Variants in SLC26A8 observed in about 807,000 individuals in gnomAD.
SLC26A8 encodes solute carrier family 26 member 8, also known as testis anion transporter 1.
SLC26A8 carries 70 observed loss-of-function variants against 105.0 expected under a neutral mutation model. The observed-to-expected ratio is 0.67, with a 90% confidence interval of 0.55 to 0.81. SLC26A8 has a LOEUF of 0.81. Among genes scored for constraint, SLC26A8 ranks in the 40% least tolerant of loss-of-function variants. The pLI, the probability that SLC26A8 is intolerant of heterozygous loss-of-function variation, is 0.00. For missense variants in SLC26A8, 998 were observed against 1,181.8 expected (o/e 0.84, Z 2.28); for synonymous variants, 415 against 438.3 (o/e 0.95, Z 0.66).
intron 5 of SLC26A8, among the ~76,000 whole-genome samples, chr6:35,997,095 G>C: frequency 6.6e-6 from 1 of 151,974 alleles, no homozygotes; most frequent in East Asian, 1.9e-4. Context: ...TGGAGCTCTG[G>C]ACTAAGAGTC....
chr6:35,968,816 C>T lies in SLC26A8; in HGVS notation c.1365+61G>A, dbSNP rs1370409473. 10 of 1,149,878 alleles carry T rather than the reference C, an allele frequency of 8.7e-6. No individual in the cohort carries two copies. In the African/African-American group the frequency reaches 1.2e-4, roughly 14 times the overall value. The allele number at this position is 1,149,878 out of a possible 1,614,324, so 71.2% of individuals were successfully genotyped here. A position where few individuals can be genotyped will look rare whatever the true frequency, so the allele number is the denominator to read the frequency against. ...GCCCCTTACCCCCCGCACACACACA[C>T]CAAGGAGCAATCCAGAGCCCTGGTC... On this transcript the variant is annotated intron_variant, in intron 11 of 19. Transcript: ENST00000490799.
chr6:35,955,317 T>A lies in SLC26A8; in HGVS notation c.2067A>T (p.Ser689=). 2 of 1,614,174 alleles carry A rather than the reference T, an allele frequency of 1.2e-6. No homozygotes were observed. Among genetic ancestry groups the A allele is most frequent in the South Asian group, 1.1e-5 (1 of 91,080 alleles). ...EVEEVWLPNN[S]SRNSSPGLPD... is the part of the protein sequence containing the mutation. The stretch of plus-strand genomic sequence containing the variant: ...GCAGTCCTGGTGAGCTGTTTCTTGA[T>A]GAGTTATTAGGAAGCCAAACTTCCT... Residue 689 remains serine, a synonymous_variant, in exon 17 of 20, where the codon TCA becomes TCT. Coordinates refer to ENST00000490799, the MANE Select transcript of SLC26A8 (RefSeq NM_052961.4).
At chr6:35,956,333 T>A (rs1772058991) in intron 16 of SLC26A8, among the ~76,000 whole-genome samples, 1 of 144,554 alleles carries the variant, frequency 6.9e-6, no homozygotes, top group African/African-American at 2.6e-5. Context: ...GAGGCTGAGG[T>A]GAGAGGATCG....
At chr6:35,985,422 T>C (rs183186639) in intron 7 of SLC26A8, among the ~76,000 whole-genome samples, 23 of 151,984 alleles carry the variant, frequency 1.5e-4, no homozygotes, top group East Asian at 9.7e-4. Flanking sequence ...GGGCTGGGCA[T>C]GGTGGCTCAT....
At chr6:35,983,655 G>A (rs1773369865) in intron 7 of SLC26A8, among the ~76,000 whole-genome samples, 1 of 151,832 alleles carries the variant, frequency 6.6e-6, no homozygotes, top group African/African-American at 2.4e-5. Flanking sequence ...GGGTTCAAGC[G>A]ATTCTCATGC....
chr6:35,957,898 G>A (rs1020637166), intron 16 of SLC26A8, among the ~76,000 whole-genome samples: 4 of 151,784 alleles, frequency 2.6e-5, no homozygotes, highest in African/African-American at 4.8e-5. Flanking sequence ...AAGCCACTGC[G>A]CCTGGCCATC....
intron 2 of SLC26A8, among the ~76,000 whole-genome samples, chr6:36,016,867 T>C (rs2127374402): frequency 6.6e-6 from 1 of 152,176 alleles, no homozygotes; most frequent in East Asian, 1.9e-4. Context: ...GAAGGAAACA[T>C]AGATGAAAAT....
intron 7 of SLC26A8, among the ~76,000 whole-genome samples, chr6:35,984,489 A>AT (rs1562045770): frequency 6.6e-6 from 1 of 151,258 alleles, no homozygotes; most frequent in Admixed American, 6.6e-5. Flanking sequence ...TGCCCAGCTA[A>AT]TTTTTTTTAT....
intron 2 of SLC26A8, among the ~76,000 whole-genome samples, chr6:36,017,227 G>A (rs532542203): frequency 1.3e-5 from 2 of 151,116 alleles, no homozygotes; most frequent in Admixed American, 1.3e-4. Flanking sequence ...GAAAAGAAAA[G>A]AAAAGATGCA....
chr6:35,961,091 C>A lies in SLC26A8; in HGVS notation c.1470G>T (p.Trp490Cys). The A allele has an allele frequency of 1.2e-6, 2 of 1,613,052 alleles. No individual in the cohort carries two copies. The highest frequency in any genetic ancestry group is 1.7e-6 in the Non-Finnish European group (2 of 1,179,434). Residue 490 changes from tryptophan to cysteine, a missense_variant, in exon 13 of 20, where the codon TGG (tryptophan) becomes TGT (cysteine). Trp to Cys is a radical substitution (Grantham distance 215, BLOSUM62 -2). Transcript: ENST00000490799. ...AAATTGAAGATGAGAATGTCATCAT[C>A]CAAAGAGCCTTATGGAAAAGGGAAT... is the stretch of plus-strand genomic sequence containing the variant. Reference protein sequence around the residue: ...WRQDQYDCALWMMTFSSSIFL... With the variant: ...WRQDQYDCALCMMTFSSSIFL...
intron 7 of SLC26A8, among the ~76,000 whole-genome samples, chr6:35,991,304 T>C (rs1040088887): frequency 1.3e-5 from 2 of 150,450 alleles, no homozygotes; most frequent in African/African-American, 4.9e-5. Flanking sequence ...CTCAGGAGGC[T>C]GAGGCAAGAG....
chr6:36,015,020 A>G (rs1761957653), intron 2 of SLC26A8, among the ~76,000 whole-genome samples: 2 of 152,176 alleles, frequency 1.3e-5, no homozygotes, highest in African/African-American at 4.8e-5. Context: ...GAGGCACAGC[A>G]GAGTTGAATA....
At chr6:36,014,817 GAC>G (rs1175676647) in intron 2 of SLC26A8, among the ~76,000 whole-genome samples, 1 of 151,948 alleles carries the variant, frequency 6.6e-6, no homozygotes, top group East Asian at 1.9e-4. Context: ...AGTGAGCTGA[GAC>G]AGCGCCACTG....
At chr6:36,012,131 A>AT (rs1479655870) in intron 3 of SLC26A8, 102 bp downstream of exon 3, 27 of 1,434,616 alleles carry the variant, frequency 1.9e-5, no homozygotes, top group South Asian at 5.3e-5. Flanking sequence ...AAAATTCAAT[A>AT]TTTTTTTTCT....
chr6:35,956,055 A>G (rs1217036746), intron 16 of SLC26A8, among the ~76,000 whole-genome samples: 1 of 152,212 alleles, frequency 6.6e-6, no homozygotes, highest in Non-Finnish European at 1.5e-5. Context: ...AGCCTGGGCA[A>G]CATGGCAAAA....
At chr6:35,955,669 G>T in intron 16 of SLC26A8, 149 bp from the exon 17 acceptor site, 1 of 1,027,530 alleles carries the variant, frequency 9.7e-7, no homozygotes, top group Non-Finnish European at 1.4e-6. Context: ...TTTTTACTTG[G>T]ATATCTGTCA....
intron 2 of SLC26A8, among the ~76,000 whole-genome samples, chr6:36,015,131 G>T (rs1761960463): frequency 6.7e-6 from 1 of 148,756 alleles, no homozygotes; most frequent in Non-Finnish European, 1.5e-5. Context: ...TTTTTGAGAG[G>T]GAGTCTCACT....
intron 6 of SLC26A8, 137 bp from the exon 7 acceptor site, chr6:35,991,945 T>A: frequency 2.4e-6 from 2 of 818,526 alleles, no homozygotes; most frequent in Non-Finnish European, 3.5e-6. Context: ...TGGGTATTAC[T>A]AGAACAGTGA....
chr6:35,998,022 A>G (rs558722231), intron 4 of SLC26A8, 103 bp from the exon 5 acceptor site: 4 of 1,105,012 alleles, frequency 3.6e-6, no homozygotes, highest in South Asian at 3.1e-5. Context: ...CTTCAACTGA[A>G]TAACTTTTCT....
Sources: gnomAD v4.1 joint callset for allele counts (sites outside exome capture counted in the v4.1 genomes callset) on GRCh38, gnomAD v4.1.1 for gene constraint, MANE v1.5 for transcripts, NCBI Gene and HGNC (gene_info 2026-07-23, HGNC 2026-07-21) for gene names.